CDK17: variants seen among roughly 807,000 people sequenced by gnomAD.
The protein encoded by CDK17 is cyclin dependent kinase 17.
In CDK17, 24 loss-of-function variants were observed where a neutral mutation model predicts 77.6. The observed-to-expected ratio is 0.31, with a 90% CI of 0.22 to 0.44. The LOEUF (loss-of-function observed/expected upper bound fraction) is 0.44. Among genes scored for constraint, CDK17 ranks in the 20% least tolerant of loss-of-function variants. The pLI, the probability that CDK17 is intolerant of heterozygous loss-of-function variation, is 1.00. For synonymous variants in CDK17, 203 were observed against 210.4 expected (o/e 0.96, Z 0.30); for missense variants, 429 against 622.5 (o/e 0.69, Z 3.31).
At chr12:96,287,264 T>C (rs1952258848) in intron 11 of CDK17, among the ~76,000 whole-genome samples, 1 of 152,070 alleles carries the variant, frequency 6.6e-6, no homozygotes, top group South Asian at 2.1e-4. Flanking sequence ...GTAGAACATG[T>C]TGGTACAAGG....
intron 1 of CDK17, among the ~76,000 whole-genome samples, chr12:96,349,818 A>G (rs1006240866): frequency 6.6e-6 from 1 of 152,182 alleles, no homozygotes; most frequent in African/African-American, 2.4e-5. Context: ...TAGGAAATGA[A>G]AAAATAAAAC....
chr12:96,370,797 AAT>A (rs1209062501), intron 1 of CDK17, among the ~76,000 whole-genome samples: 4 of 152,160 alleles, frequency 2.6e-5, no homozygotes, highest in Non-Finnish European at 5.9e-5. Flanking sequence ...TATTTTTGAA[AAT>A]AGTTTTTTTA....
chr12:96,346,741 T>C (rs10777788), intron 1 of CDK17, among the ~76,000 whole-genome samples: 152,169 of 152,174 alleles, frequency 1, 76,082 homozygotes, highest in Middle Eastern at 1. Flanking sequence ...ATGGTGAAAC[T>C]CCATCTCTAC....
intron 1 of CDK17, among the ~76,000 whole-genome samples, chr12:96,341,318 TACACAC>T (rs10656968): frequency 5.4e-5 from 8 of 148,696 alleles, no homozygotes; most frequent in African/African-American, 1.2e-4. Context: ...ATCATATACA[TACACAC>T]ACACACACAC....
chr12:96,343,060 A>G lies in CDK17; in HGVS notation c.-29-8195T>C, dbSNP rs138976700. Among the ~76,000 whole-genome samples the G allele has an allele frequency of 1.8e-3, 270 of 152,376 alleles. 1 individual carries two copies. Among genetic ancestry groups the G allele is most frequent in the African/African-American group, 5.9e-3 (245 of 41,584 alleles). ...AAACACACAAACTAGAAAAAAAGAA[A>G]TGTACCAAAGATTTTCCTCCATTCA... On this transcript the variant is annotated intron_variant, in intron 1 of 16. Coordinates refer to ENST00000261211, the MANE Select transcript of CDK17 (RefSeq NM_002595.5).
intron 7 of CDK17, among the ~76,000 whole-genome samples, chr12:96,298,026 C>T (rs986285706): frequency 3.3e-5 from 5 of 152,042 alleles, no homozygotes; most frequent in Non-Finnish European, 7.4e-5. Context: ...CACGGTGGCT[C>T]ATGCCTGTAA....
At chr12:96,336,273 A>G (rs1953039614) in intron 1 of CDK17, among the ~76,000 whole-genome samples, 1 of 152,116 alleles carries the variant, frequency 6.6e-6, no homozygotes, top group South Asian at 2.1e-4. Context: ...ACCAGCCTGG[A>G]AAACAGCGAG....
chr12:96,371,704 C>T (rs1488620426), intron 1 of CDK17, among the ~76,000 whole-genome samples: 1 of 151,852 alleles, frequency 6.6e-6, no homozygotes, highest in Non-Finnish European at 1.5e-5. Context: ...TGCACTCCAG[C>T]CTAGGCAACA....
intron 1 of CDK17, among the ~76,000 whole-genome samples, chr12:96,354,503 A>C (rs1397071519): frequency 2.0e-5 from 3 of 152,228 alleles, no homozygotes; most frequent in Admixed American, 6.5e-5. Flanking sequence ...CAAAGCCTTC[A>C]AAATGTATCA....
intron 1 of CDK17, among the ~76,000 whole-genome samples, chr12:96,340,345 GAT>G (rs1278254939): frequency 1.3e-5 from 2 of 152,048 alleles, no homozygotes; most frequent in African/African-American, 4.8e-5. Context: ...GAGTAAGAAA[GAT>G]ATTTCTAATT....
chr12:96,347,599 AGGGGAAGGG>A (rs1163900411), intron 1 of CDK17, among the ~76,000 whole-genome samples: 7,705 of 21,276 alleles, frequency 0.36, 1,533 homozygotes, highest in African/African-American at 0.57. Context: ...AGGGGAAGGG[AGGGGAAGGG>A]AGGGGAAGGG....
At chr12:96,306,743 T>C (rs1952581937) in intron 5 of CDK17, among the ~76,000 whole-genome samples, 1 of 152,140 alleles carries the variant, frequency 6.6e-6, no homozygotes, top group Admixed American at 6.5e-5. Context: ...CAAATTCTAA[T>C]ACATATAAAA....
At chr12:96,390,286 G>A (rs944011710) in intron 1 of CDK17, among the ~76,000 whole-genome samples, 4 of 150,446 alleles carry the variant, frequency 2.7e-5, no homozygotes, top group South Asian at 4.2e-4. Flanking sequence ...GTGCCAACAC[G>A]CCCGGCTAAT....
intron 8 of CDK17, 49 bp downstream of exon 8, chr12:96,297,576 CTA>C: frequency 9.1e-7 from 1 of 1,093,194 alleles, no homozygotes; most frequent in Non-Finnish European, 1.3e-6. Flanking sequence ...GTCCAATTTA[CTA>C]TGTTTTTCTA....
At chr12:96,340,949 C>A (rs566132375) in intron 1 of CDK17, among the ~76,000 whole-genome samples, 1 of 152,000 alleles carries the variant, frequency 6.6e-6, no homozygotes, top group African/African-American at 2.4e-5. Flanking sequence ...CAAAGTAGTA[C>A]GTATAGTACC....
chr12:96,357,306 T>A (rs1030967905), intron 1 of CDK17, among the ~76,000 whole-genome samples: 14 of 151,824 alleles, frequency 9.2e-5, no homozygotes, highest in South Asian at 8.4e-4. Context: ...ACAAAAAAAA[T>A]TTAAAAATAG....
chr12:96,373,548 T>C (rs1953728159), intron 1 of CDK17, among the ~76,000 whole-genome samples: 1 of 151,804 alleles, frequency 6.6e-6, no homozygotes, highest in African/African-American at 2.4e-5. Context: ...TGAGCCGAGA[T>C]TGCGCCATTG....
chr12:96,372,010 T>TG (rs1491449645), intron 1 of CDK17, among the ~76,000 whole-genome samples: 458 of 6,988 alleles, frequency 0.066, 1 homozygote, highest in Middle Eastern at 0.12. Flanking sequence ...TGAGTGTGTG[T>TG]TTGTGTGTGT....
chr12:96,387,937 T>C (rs954447193), intron 1 of CDK17, among the ~76,000 whole-genome samples: 7 of 151,666 alleles, frequency 4.6e-5, no homozygotes, highest in African/African-American at 1.7e-4. Context: ...AGTAAGACCT[T>C]TTCTCTAAAA....
Sources: gnomAD v4.1 joint callset for allele counts (sites outside exome capture counted in the v4.1 genomes callset) on GRCh38, gnomAD v4.1.1 for gene constraint, MANE v1.5 for transcripts, NCBI Gene and HGNC (gene_info 2026-07-23, HGNC 2026-07-21) for gene names.